WWP2: variants seen among roughly 807,000 people sequenced by gnomAD.
WWP2 encodes NEDD4-like E3 ubiquitin-protein ligase WWP2.
WWP2 carries 57 observed loss-of-function variants against 121.0 expected under a neutral mutation model. That is an observed-to-expected ratio of 0.47 (90% CI 0.38 to 0.59). WWP2 has a LOEUF of 0.59. Ranked by LOEUF, WWP2 falls within the 20% of genes least tolerant of loss-of-function variation. The probability of loss-of-function intolerance (pLI) is 0.00; values close to 1 mark genes in which losing one functional copy is unlikely to be tolerated. For synonymous variants in WWP2, 449 were observed against 441.3 expected, an observed-to-expected ratio of 1.02 and a Z score of -0.22; for missense variants, 962 against 1,158.9, an observed-to-expected ratio of 0.83 and a Z score of 2.47.
In WWP2 at chr16:69,769,874, C is replaced by CT. The variant is rs71151134; in HGVS notation, c.-16+7501dup. Among the ~76,000 whole-genome samples, 115 of 102,192 alleles carry CT rather than the reference C, an allele frequency of 1.1e-3. 1 individual carries two copies. In the East Asian group the frequency reaches 0.019, roughly 17 times the overall value. 67.0% of individuals were successfully genotyped at this position (102,192 alleles called of 152,430 possible). A position where few individuals can be genotyped will look rare whatever the true frequency, so the allele number is the denominator to read the frequency against. On this transcript the variant is annotated intron_variant, in intron 1 of 23. Coordinates refer to ENST00000359154, the MANE Select transcript of WWP2 (RefSeq NM_001270454.2). ...TTGAAATCTCCCAAGTGATCAGTGT[C>CT]TTTTTTTTTTTTTTTTTTGAGATAG...
chr16:69,905,311 C>T (rs1443454821), intron 8 of WWP2, among the ~76,000 whole-genome samples: 2 of 152,142 alleles, frequency 1.3e-5, no homozygotes, highest in Admixed American at 6.5e-5. Flanking sequence ...TGTAGAACCT[C>T]CAGATCTCAC....
At chr16:69,871,738 G>T (rs1272266586) in intron 6 of WWP2, 66 bp from the exon 7 acceptor site, 6 of 1,592,622 alleles carry the variant, frequency 3.8e-6, no homozygotes, top group Non-Finnish European at 5.1e-6. Context: ...GATGACTTAG[G>T]TAGGAAACAC....
intron 4 of WWP2, among the ~76,000 whole-genome samples, chr16:69,809,812 G>A (rs963290258): frequency 6.6e-6 from 1 of 150,598 alleles, no homozygotes. Context: ...GAGAGAGATA[G>A]GAAGGAAGGA....
chr16:69,766,756 A>G (rs916079601), intron 1 of WWP2, among the ~76,000 whole-genome samples: 4 of 151,840 alleles, frequency 2.6e-5, no homozygotes, highest in Non-Finnish European at 5.9e-5. Flanking sequence ...TAGGGATCCT[A>G]TATTTTACTT....
intron 8 of WWP2, among the ~76,000 whole-genome samples, chr16:69,898,790 G>C (rs1267898369): frequency 6.6e-6 from 1 of 152,038 alleles, no homozygotes; most frequent in Non-Finnish European, 1.5e-5. Flanking sequence ...TGCAACCTCT[G>C]CCTCCCAGGT....
At chr16:69,911,153 G>T (rs193089547) in intron 9 of WWP2, among the ~76,000 whole-genome samples, 31 of 152,316 alleles carry the variant, frequency 2.0e-4, no homozygotes, top group African/African-American at 5.8e-4. Flanking sequence ...AGTCCCTGGG[G>T]AGCAAGATTG....
chr16:69,789,018 A>G (rs1287088843), intron 2 of WWP2, among the ~76,000 whole-genome samples: 1 of 152,158 alleles, frequency 6.6e-6, no homozygotes. Context: ...TGTTATTTAT[A>G]TAATATACTC....
chr16:69,805,253 C>T (rs141773872), intron 4 of WWP2, among the ~76,000 whole-genome samples: 1 of 152,006 alleles, frequency 6.6e-6, no homozygotes, highest in Non-Finnish European at 1.5e-5. Flanking sequence ...CCAGGCTGGT[C>T]TCAAACTCCT....
intron 1 of WWP2, among the ~76,000 whole-genome samples, chr16:69,784,701 G>T (rs758891090): frequency 6.6e-6 from 1 of 152,086 alleles, no homozygotes; most frequent in Non-Finnish European, 1.5e-5. Context: ...CTCTTCTGCC[G>T]CCTGTTGAAG....
At chr16:69,787,120 C>G (rs375074200) in intron 2 of WWP2, 40 bp downstream of exon 2, 1 of 1,565,696 alleles carries the variant, frequency 6.4e-7, no homozygotes, top group Non-Finnish European at 8.7e-7. Flanking sequence ...TGTCTACGCC[C>G]AGGGAAGAGG....
chr16:69,847,123 C>T (rs1399830331), intron 6 of WWP2, among the ~76,000 whole-genome samples: 2 of 151,978 alleles, frequency 1.3e-5, no homozygotes, highest in Non-Finnish European at 2.9e-5. Context: ...CTTGCTCTGT[C>T]GCCCAGGCTG....
intron 1 of WWP2, among the ~76,000 whole-genome samples, chr16:69,765,230 T>C (rs2151762110): frequency 6.6e-6 from 1 of 152,050 alleles, no homozygotes; most frequent in East Asian, 1.9e-4. Context: ...AGAAAAAAAG[T>C]TTCACCTTTT....
At chr16:69,763,196 C>A (rs540550212) in intron 1 of WWP2, among the ~76,000 whole-genome samples, 129 of 152,372 alleles carry the variant, frequency 8.5e-4, no homozygotes, top group African/African-American at 2.9e-3. Flanking sequence ...AGAGAAGTGT[C>A]TACCTAGACT....
chr16:69,882,068 C>T (rs116897251), intron 7 of WWP2, among the ~76,000 whole-genome samples: 8,064 of 152,128 alleles, frequency 0.053, 276 homozygotes, highest in Middle Eastern at 0.11. Context: ...GATCCACCTG[C>T]TTTGGCCTCC....
chr16:69,912,912 T>G (rs2058402798), intron 9 of WWP2, among the ~76,000 whole-genome samples: 1 of 60,580 alleles, frequency 1.7e-5, no homozygotes, highest in Non-Finnish European at 3.0e-5. Context: ...GGAGAACCAG[T>G]CTCTACAAAA....
At chr16:69,819,755 A>G (rs776810014) in intron 4 of WWP2, among the ~76,000 whole-genome samples, 7 of 152,172 alleles carry the variant, frequency 4.6e-5, no homozygotes, top group Non-Finnish European at 7.4e-5. Context: ...AATGATTTTT[A>G]AAAATCATTA....
At position 69,935,315 on chromosome 16, in the gene WWP2, T is replaced by A. The variant is rs965592488; in HGVS notation, c.1843-538T>A. On this transcript the variant is annotated intron_variant, in intron 17 of 23. Coordinates refer to ENST00000359154, the MANE Select transcript of WWP2 (RefSeq NM_001270454.2). This position sits in a 1 kb window ranked among gnomAD's most constrained non-coding sequence, Gnocchi z 5.2. ...TGGCCAAGGTGCTGGGCTCTGGAAATGGGCACATTCTTCCCAGGTCTAGAG... is the reference window on the plus strand; with the variant it reads ...TGGCCAAGGTGCTGGGCTCTGGAAAAGGGCACATTCTTCCCAGGTCTAGAG... 1.3e-5 allele frequency among the ~76,000 whole-genome samples: 2 copies of A among 152,120 alleles called. No homozygotes were observed. The highest frequency in any genetic ancestry group is 3.9e-4 in the East Asian group (2 of 5,186).
At chr16:69,933,832 T>C in intron 16 of WWP2, 138 bp from the exon 17 acceptor site, 1 of 964,012 alleles carries the variant, frequency 1.0e-6, no homozygotes, top group Non-Finnish European at 1.5e-6. Flanking sequence ...TTAGCCCGGG[T>C]GCTTGTCACA....
At chr16:69,787,128 A>G in intron 2 of WWP2, 48 bp downstream of exon 2, 1 of 1,549,056 alleles carries the variant, frequency 6.5e-7, no homozygotes, top group South Asian at 1.2e-5. Flanking sequence ...CCCAGGGAAG[A>G]GGGAGAATCT....
Sources: allele counts gnomAD v4.1 joint callset (sites outside exome capture counted in the v4.1 genomes callset), GRCh38; gene constraint gnomAD v4.1.1; non-coding constraint Gnocchi (gnomAD v3.1); transcripts MANE v1.5; gene names NCBI Gene and HGNC (gene_info 2026-07-23, HGNC 2026-07-21).